PLSCR2: variants seen among roughly 807,000 people sequenced by gnomAD.
PLSCR2 encodes the protein phospholipid scramblase 2.
In PLSCR2, 18 loss-of-function variants were observed where a neutral mutation model predicts 25.3. The ratio of observed to expected loss-of-function variants is 0.71; its 90% CI spans 0.49 to 1.06. PLSCR2 has a LOEUF of 1.06. PLSCR2 is among the 50% of genes least tolerant of loss of function. The pLI is 0.00. For synonymous variants in PLSCR2, 88 were observed against 87.3 expected, an observed-to-expected ratio of 1.01 and a Z score of -0.04; for missense variants, 243 against 269.5, an observed-to-expected ratio of 0.90 and a Z score of 0.69.
chr3:146,419,078 C>A (rs2039068610), intron 2 of PLSCR2, among the ~76,000 whole-genome samples: 1 of 151,970 alleles, frequency 6.6e-6, no homozygotes, highest in South Asian at 2.1e-4. Context: ...AGTCCTGATT[C>A]CTTTTTCTTA....
chr3:146,424,629 A>T (rs2039274745), intron 2 of PLSCR2, among the ~76,000 whole-genome samples: 1 of 152,112 alleles, frequency 6.6e-6, no homozygotes. Context: ...CAGCATGGTC[A>T]ACTGAGGTCC....
chr3:146,435,998 C>T (rs2039831826), intron 8 of PLSCR2, among the ~76,000 whole-genome samples: 1 of 152,152 alleles, frequency 6.6e-6, no homozygotes, highest in Non-Finnish European at 1.5e-5. Context: ...TATGGCTAGC[C>T]AGTATTTCCA....
chr3:146,450,968 T>A (rs1280468831), intron 5 of PLSCR2, among the ~76,000 whole-genome samples: 2 of 151,754 alleles, frequency 1.3e-5, no homozygotes, highest in Admixed American at 1.3e-4. Context: ...ATAAAAAAAA[T>A]TTATAAAGTA....
At chr3:146,461,948 T>C, upstream of PLSCR2, 3 of 1,451,518 alleles carry the variant, frequency 2.1e-6, no homozygotes, top group Non-Finnish European at 2.7e-6. Flanking sequence ...AATAATATCC[T>C]TTCATAAGCT....
chr3:146,485,769 A>G (rs1297464590), intron 1 of PLSCR2, among the ~76,000 whole-genome samples: 3 of 152,094 alleles, frequency 2.0e-5, no homozygotes, highest in Non-Finnish European at 4.4e-5. Flanking sequence ...GCAATTTATA[A>G]AAGAGGTTTA....
At chr3:146,446,258 C>T (rs62274691) in intron 6 of PLSCR2, among the ~76,000 whole-genome samples, 20,334 of 152,106 alleles carry the variant, frequency 0.13, 1,718 homozygotes, top group Non-Finnish European at 0.2. Flanking sequence ...TTATTGCAGT[C>T]TTTGCAGTCT....
intron 1 of PLSCR2, among the ~76,000 whole-genome samples, chr3:146,487,796 T>G (rs1048200420): frequency 6.6e-6 from 1 of 152,156 alleles, no homozygotes; most frequent in Non-Finnish European, 1.5e-5. Context: ...ACCATTGACA[T>G]TCTTCACAGA....
chr3:146,442,427 C>A (rs2040301952), intron 6 of PLSCR2, among the ~76,000 whole-genome samples: 1 of 151,940 alleles, frequency 6.6e-6, no homozygotes, highest in African/African-American at 2.4e-5. Flanking sequence ...TCTCAAAATA[C>A]CAGTGAATTT....
At chr3:146,479,796 C>A (rs2043065091) in intron 1 of PLSCR2, among the ~76,000 whole-genome samples, 1 of 152,156 alleles carries the variant, frequency 6.6e-6, no homozygotes, top group East Asian at 1.9e-4. Context: ...CTTCTCAGCA[C>A]CACATTGCAC....
intron 2 of PLSCR2, among the ~76,000 whole-genome samples, chr3:146,416,986 T>G (rs1182689007): frequency 6.6e-6 from 1 of 152,160 alleles, no homozygotes; most frequent in African/African-American, 2.4e-5. Flanking sequence ...GAATGAGCAT[T>G]GGTAAACATG....
chr3:146,411,051 C>T (rs1480697228), intron 2 of PLSCR2, among the ~76,000 whole-genome samples: 2 of 152,184 alleles, frequency 1.3e-5, no homozygotes, highest in African/African-American at 4.8e-5. Context: ...CCCATCCACA[C>T]ACCATTCACA....
chr3:146,473,634 T>A (rs992717169), intron 1 of PLSCR2, among the ~76,000 whole-genome samples: 5 of 152,100 alleles, frequency 3.3e-5, no homozygotes, highest in African/African-American at 7.2e-5. Context: ...TTAGAAAACA[T>A]CTAGGTATAA....
chr3:146,484,034 GA>G (rs1372739147), intron 1 of PLSCR2, among the ~76,000 whole-genome samples: 1 of 151,698 alleles, frequency 6.6e-6, no homozygotes, highest in Non-Finnish European at 1.5e-5. Context: ...AAGAAGCTAA[GA>G]ACCATGATAG....
At chr3:146,450,604 C>G (rs965959121) in intron 5 of PLSCR2, among the ~76,000 whole-genome samples, 58 of 152,178 alleles carry the variant, frequency 3.8e-4, no homozygotes, top group Non-Finnish European at 1.9e-4. Context: ...CTCTTGGTCT[C>G]AGGTAAATAG....
intron 1 of PLSCR2, among the ~76,000 whole-genome samples, chr3:146,495,212 G>A (rs558621208): frequency 6.6e-5 from 10 of 152,152 alleles, no homozygotes; most frequent in East Asian, 1.9e-4. Flanking sequence ...TATGGCATTC[G>A]TTTTTCTTCT....
At chr3:146,459,808 T>A in intron 2 of PLSCR2, 40 bp downstream of exon 2, 2 of 795,968 alleles carry the variant, frequency 2.5e-6, no homozygotes, top group Non-Finnish European at 3.5e-6. Context: ...AGAAAGAGAG[T>A]TTTTTTTTTT....
chr3:146,396,434 A>T (rs2038275710), intron 2 of PLSCR2, among the ~76,000 whole-genome samples: 1 of 152,152 alleles, frequency 6.6e-6, no homozygotes, highest in Non-Finnish European at 1.5e-5. Context: ...CAAACCTGGG[A>T]TGAATCATAT....
chr3:146,452,717 A>T (rs1329431101), intron 5 of PLSCR2, among the ~76,000 whole-genome samples: 1 of 152,054 alleles, frequency 6.6e-6, no homozygotes, highest in Admixed American at 6.5e-5. Context: ...TTAGTGATTT[A>T]CTCATTTCTT....
chr3:146,442,073 T>C (rs2040275733), intron 6 of PLSCR2, among the ~76,000 whole-genome samples: 1 of 152,048 alleles, frequency 6.6e-6, no homozygotes. Context: ...CTATGGCAAT[T>C]TCTGTAAATG....
Sources: allele counts gnomAD v4.1 joint callset (sites outside exome capture counted in the v4.1 genomes callset), GRCh38; gene constraint gnomAD v4.1.1; transcripts MANE v1.5; gene names NCBI Gene and HGNC (gene_info 2026-07-23, HGNC 2026-07-21).